Variants in COLEC10 observed in about 807,000 individuals in gnomAD.
COLEC10 encodes the protein collectin-10.
A neutral mutation model predicts 28.4 loss-of-function variants in COLEC10; 22 were observed. That is an observed-to-expected ratio of 0.78 (90% CI 0.55 to 1.11). The LOEUF is 1.11. Among genes scored for constraint, COLEC10 ranks in the 50% least tolerant of loss-of-function variants. The pLI is 0.00. For synonymous variants in COLEC10, 125 were observed against 116.1 expected (o/e 1.08, Z -0.49); for missense variants, 361 against 344.1 (o/e 1.05, Z -0.39).
At chr8:119,052,037 C>T (rs1814684278) in intron 2 of COLEC10, among the ~76,000 whole-genome samples, 1 of 152,094 alleles carries the variant, frequency 6.6e-6, no homozygotes, top group South Asian at 2.1e-4. Context: ...AATGAATGAC[C>T]TTTCTGGGGT....
At chr8:119,093,125 C>A (rs552051125) in intron 3 of COLEC10, among the ~76,000 whole-genome samples, 3 of 152,268 alleles carry the variant, frequency 2.0e-5, no homozygotes, top group East Asian at 3.9e-4. Flanking sequence ...ATTTCTGTAG[C>A]CTTGATGTAC....
intron 1 of COLEC10, among the ~76,000 whole-genome samples, chr8:119,079,622 A>G (rs999940014): frequency 5.7e-4 from 6 of 10,484 alleles, no homozygotes; most frequent in South Asian, 7.5e-3. Flanking sequence ...ACCCCCACCC[A>G]CTTACTCAGA....
At chr8:119,073,374 T>A (rs1474006961) in intron 1 of COLEC10, among the ~76,000 whole-genome samples, 1 of 141,464 alleles carries the variant, frequency 7.1e-6, no homozygotes, top group Non-Finnish European at 1.6e-5. Context: ...GACACAGAAC[T>A]ATTCTAGCTC....
the COLEC10 span, among the ~76,000 whole-genome samples, chr8:118,972,161 T>C: frequency 6.6e-6 from 1 of 151,990 alleles, no homozygotes; most frequent in East Asian, 1.9e-4. Flanking sequence ...GTGCCTTGAG[T>C]AAAAAAAGTT....
At chr8:119,058,696 G>A (rs1418276163) in intron 2 of COLEC10, among the ~76,000 whole-genome samples, 2 of 151,916 alleles carry the variant, frequency 1.3e-5, no homozygotes, top group Non-Finnish European at 2.9e-5. Flanking sequence ...TTCAATTTCT[G>A]GCAATTATGA....
At chr8:119,030,603 T>C (rs1814270839) in intron 2 of COLEC10, among the ~76,000 whole-genome samples, 1 of 152,222 alleles carries the variant, frequency 6.6e-6, no homozygotes, top group African/African-American at 2.4e-5. Context: ...ATCCTCCACA[T>C]GCCTCAGTTT....
chr8:118,989,580 CCT>C, the COLEC10 span, among the ~76,000 whole-genome samples: 2,635 of 136,024 alleles, frequency 0.019, 64 homozygotes, highest in African/African-American at 0.068. Flanking sequence ...CACACACACC[CCT>C]ACCTACCCAT....
chr8:119,068,721 T>C (rs1380391686), intron 1 of COLEC10: 3 of 152,080 alleles, frequency 2.0e-5, no homozygotes, highest in African/African-American at 7.2e-5. Context: ...TCATTAACTT[T>C]CCTCCTGAGC....
upstream of COLEC10, among the ~76,000 whole-genome samples, chr8:118,994,923 G>C (rs1424204701): frequency 6.6e-6 from 1 of 152,070 alleles, no homozygotes; most frequent in African/African-American, 2.4e-5. Flanking sequence ...CTGACAAAGG[G>C]ACCCTTCACA....
chr8:119,099,791 T>C (rs2130300864), intron 3 of COLEC10, among the ~76,000 whole-genome samples: 1 of 152,322 alleles, frequency 6.6e-6, no homozygotes, highest in African/African-American at 2.4e-5. Flanking sequence ...ATCTTTTCTT[T>C]TTCTGAATTT....
the COLEC10 span, among the ~76,000 whole-genome samples, chr8:118,980,202 CTTTT>C: frequency 1.5e-5 from 2 of 137,084 alleles, no homozygotes; most frequent in Admixed American, 7.4e-5. Context: ...ATAAAACATT[CTTTT>C]TTTTTTTTTT....
chr8:119,080,918 T>A (rs1815354909), intron 1 of COLEC10, among the ~76,000 whole-genome samples: 2 of 152,166 alleles, frequency 1.3e-5, no homozygotes, highest in Admixed American at 1.3e-4. Flanking sequence ...GAGCTTTTGC[T>A]AACTCCTTAT....
chr8:118,989,572 CACACA>C, the COLEC10 span, among the ~76,000 whole-genome samples: 6 of 148,998 alleles, frequency 4.0e-5, no homozygotes, highest in South Asian at 4.2e-4. Context: ...CACACACACA[CACACA>C]CCCCTACCTA....
intron 2 of COLEC10, among the ~76,000 whole-genome samples, chr8:119,024,555 C>T (rs2130114601): frequency 7.1e-6 from 1 of 139,902 alleles, no homozygotes; most frequent in East Asian, 2.3e-4. Context: ...CATATGCATA[C>T]ATGTATGCAC....
At chr8:119,072,582 T>C (rs1353855415) in intron 1 of COLEC10, among the ~76,000 whole-genome samples, 1 of 152,192 alleles carries the variant, frequency 6.6e-6, no homozygotes, top group East Asian at 1.9e-4. Flanking sequence ...TTGGGCCCTA[T>C]GTTCCAATCA....
chr8:119,070,440 TCC>T (rs1491334606), intron 1 of COLEC10, among the ~76,000 whole-genome samples: 2 of 115,914 alleles, frequency 1.7e-5, no homozygotes, highest in African/African-American at 5.0e-5. Context: ...TGAAATGTTC[TCC>T]CTCGCTCTCT....
At chr8:119,080,620 T>C (rs1815349182) in intron 1 of COLEC10, among the ~76,000 whole-genome samples, 1 of 152,148 alleles carries the variant, frequency 6.6e-6, no homozygotes, top group African/African-American at 2.4e-5. Context: ...ATTTACATCA[T>C]TTATTATTTA....
chr8:119,087,393 C>T (rs961579760), intron 1 of COLEC10, among the ~76,000 whole-genome samples: 1 of 152,102 alleles, frequency 6.6e-6, no homozygotes, highest in African/African-American at 2.4e-5. Flanking sequence ...AGAAAGGACT[C>T]CCTGAAGGAA....
At chr8:119,057,106 A>G (rs1290404200) in intron 2 of COLEC10, among the ~76,000 whole-genome samples, 1 of 151,852 alleles carries the variant, frequency 6.6e-6, no homozygotes, top group Non-Finnish European at 1.5e-5. Flanking sequence ...TGTAATCCCC[A>G]CGTGTTGAGG....
Sources: allele counts gnomAD v4.1 joint callset (sites outside exome capture counted in the v4.1 genomes callset), GRCh38; gene constraint gnomAD v4.1.1; transcripts MANE v1.5; gene names NCBI Gene and HGNC (gene_info 2026-07-23, HGNC 2026-07-21).